ST6GALNAC5: variants seen among roughly 807,000 people sequenced by gnomAD.
The protein encoded by ST6GALNAC5 is alpha-N-acetylgalactosaminide alpha-2,6-sialyltransferase 5.
ST6GALNAC5 carries 27 observed loss-of-function variants against 33.6 expected under a neutral mutation model. That is an observed-to-expected ratio of 0.80 (90% CI 0.59 to 1.11). The LOEUF (loss-of-function observed/expected upper bound fraction) is 1.11, where lower values mean the gene tolerates loss of function less well. ST6GALNAC5 is among the 50% of genes least tolerant of loss of function. The pLI, the probability that ST6GALNAC5 is intolerant of heterozygous loss-of-function variation, is 0.00. For missense variants in ST6GALNAC5, 428 were observed against 454.0 expected, an observed-to-expected ratio of 0.94 and a Z score of 0.52; for synonymous variants, 194 against 171.2, an observed-to-expected ratio of 1.13 and a Z score of -1.04.
At chr1:76,999,193 T>C (rs899817396) in intron 2 of ST6GALNAC5, among the ~76,000 whole-genome samples, 1 of 152,192 alleles carries the variant, frequency 6.6e-6, no homozygotes, top group Non-Finnish European at 1.5e-5. Context: ...ATTTCCCTTG[T>C]AGCGTGTTGT....
intron 3 of ST6GALNAC5, among the ~76,000 whole-genome samples, chr1:77,046,775 C>A (rs1277652237): frequency 6.6e-6 from 1 of 152,186 alleles, no homozygotes; most frequent in Non-Finnish European, 1.5e-5. Flanking sequence ...ATAGAAAACA[C>A]TTTTCTCTTT....
At chr1:76,929,309 G>A (rs893424002) in intron 2 of ST6GALNAC5, among the ~76,000 whole-genome samples, 3 of 152,154 alleles carry the variant, frequency 2.0e-5, no homozygotes. Context: ...GAGAGGCCGA[G>A]GCAGGAGGAT....
intron 2 of ST6GALNAC5, among the ~76,000 whole-genome samples, chr1:76,938,869 A>T (rs1487984318): frequency 6.6e-6 from 1 of 152,138 alleles, no homozygotes; most frequent in East Asian, 1.9e-4. Context: ...ATTGTGCATA[A>T]CATTCCAAAT....
At chr1:76,963,669 T>G (rs1250929438) in intron 2 of ST6GALNAC5, among the ~76,000 whole-genome samples, 2 of 152,224 alleles carry the variant, frequency 1.3e-5, no homozygotes, top group East Asian at 3.8e-4. Flanking sequence ...TGTCCTCTTT[T>G]GTCCATTTCC....
rs545654912 is a variant in ST6GALNAC5 at position 76,915,833 on chromosome 1, T to TA, written c.261+47094dup. Among the ~76,000 whole-genome samples, 477 of 144,666 alleles carry TA rather than the reference T, an allele frequency of 3.3e-3. 3 individuals carry two copies. Among genetic ancestry groups the TA allele is most frequent in the African/African-American group, 0.011 (439 of 39,186 alleles). The allele number at this position is 144,666 out of a possible 152,430, so 94.9% of individuals were successfully genotyped here. A position where few individuals can be genotyped will look rare whatever the true frequency, so the allele number is the denominator to read the frequency against. On this transcript the variant is annotated intron_variant, in intron 2 of 4. Transcript: ENST00000477717. The stretch of plus-strand genomic sequence containing the variant: ...CATTGTGCACATGTACCCAAAAACT[T>TA]AAAGTACAATAATAATAAATTAAAA...
Position 77,063,212 on chromosome 1 carries a change from G to T in ST6GALNAC5, c.*6G>T. On this transcript the variant is annotated 3_prime_UTR_variant, in exon 5 of 5. Transcript: ENST00000477717. ...AGAATAAACCTGTGTTCTAAGGAAT[G>T]AGCATGCCAGACTGTAATCCCAGGT... 1 of 1,611,344 alleles carries T rather than the reference G, an allele frequency of 6.2e-7. No individual in the cohort carries two copies. Among genetic ancestry groups the T allele is most frequent in the Non-Finnish European group, 8.5e-7 (1 of 1,177,850 alleles).
At position 76,882,438 on chromosome 1, in the gene ST6GALNAC5, A is replaced by G. The variant is rs149124235; in HGVS notation, c.261+13696A>G. On this transcript the variant is annotated intron_variant, in intron 2 of 4. Transcript: ENST00000477717. ...CTGCAAATATCATTGACTCCCCCCA[A>G]ATTCTGAGATGTAATACTTACTCTA... 1.3e-4 allele frequency among the ~76,000 whole-genome samples: 20 copies of G among 152,214 alleles called. No individual in the cohort carries two copies. In the East Asian group the frequency reaches 3.5e-3, roughly 26 times the overall value.
chr1:76,882,796 A>C (rs1211313269), intron 2 of ST6GALNAC5, among the ~76,000 whole-genome samples: 1 of 152,074 alleles, frequency 6.6e-6, no homozygotes, highest in Non-Finnish European at 1.5e-5. Flanking sequence ...ATGGCTTCCC[A>C]TTGCCTACAG....
intron 4 of ST6GALNAC5, among the ~76,000 whole-genome samples, chr1:77,058,534 C>T (rs1557777763): frequency 6.6e-6 from 1 of 152,332 alleles, no homozygotes; most frequent in East Asian, 1.9e-4. Context: ...CACATGCCAG[C>T]TCCCCTTCAC....
chr1:77,043,657 T>C (rs956560227), intron 2 of ST6GALNAC5, among the ~76,000 whole-genome samples: 1 of 152,208 alleles, frequency 6.6e-6, no homozygotes, highest in African/African-American at 2.4e-5. Flanking sequence ...TACAAACATA[T>C]TTGTACAGCA....
Position 76,868,865 on chromosome 1 carries a change from T to A in ST6GALNAC5, c.261+123T>A, listed in dbSNP as rs993480136. 7.9e-6 allele frequency: 11 copies of A among 1,389,704 alleles called. No individual in the cohort carries two copies. In the African/African-American group the frequency reaches 1.4e-4, roughly 17 times the overall value. 86.1% of individuals were successfully genotyped at this position (1,389,704 alleles called of 1,614,324 possible). On this transcript the variant is annotated intron_variant, in intron 2 of 4. Transcript: ENST00000477717. This position sits in a 1 kb window ranked among gnomAD's most constrained non-coding sequence, Gnocchi z 4.3. ...GTGCCGTTCGAAGGCTGGAGGGGAGTGGACCCGCTGGGGTAGGGTGGGCTA... is the reference window on the plus strand; with the variant it reads ...GTGCCGTTCGAAGGCTGGAGGGGAGAGGACCCGCTGGGGTAGGGTGGGCTA...
chr1:77,027,312 CA>C (rs1233610331), intron 2 of ST6GALNAC5, among the ~76,000 whole-genome samples: 3 of 152,174 alleles, frequency 2.0e-5, no homozygotes, highest in Non-Finnish European at 2.9e-5. Flanking sequence ...CATTAGGGGG[CA>C]GGGGTGAAGT....
intron 2 of ST6GALNAC5, among the ~76,000 whole-genome samples, chr1:76,999,853 C>A (rs61785606): frequency 3.3e-5 from 4 of 120,214 alleles, no homozygotes; most frequent in Non-Finnish European, 5.8e-5. Context: ...GTATTCCATG[C>A]TATATATGTG....
intron 2 of ST6GALNAC5, among the ~76,000 whole-genome samples, chr1:76,911,312 A>G (rs1454009139): frequency 6.6e-6 from 1 of 152,110 alleles, no homozygotes; most frequent in Non-Finnish European, 1.5e-5. Flanking sequence ...CATGGTGGAT[A>G]AGCTTTTTGA....
intron 2 of ST6GALNAC5, among the ~76,000 whole-genome samples, chr1:77,027,201 A>G (rs1207643478): frequency 6.6e-6 from 1 of 152,212 alleles, no homozygotes; most frequent in Non-Finnish European, 1.5e-5. Flanking sequence ...CCTTCTAATC[A>G]CTTACAACAA....
intron 2 of ST6GALNAC5, among the ~76,000 whole-genome samples, chr1:76,975,032 C>T (rs551293041): frequency 6.6e-6 from 1 of 152,054 alleles, no homozygotes; most frequent in South Asian, 2.1e-4. Flanking sequence ...GGTGATCTGC[C>T]TGCCTCAGCC....
Position 76,868,662 on chromosome 1 carries a change from G to A in ST6GALNAC5, c.181G>A (p.Glu61Lys), listed in dbSNP as rs752811015. The change falls in exon 2 of 5, where the codon GAG (glutamate) becomes AAG (lysine). Residue 61 changes from glutamate to lysine, a missense_variant. Glu to Lys is a moderately conservative substitution (Grantham distance 56). Coordinates refer to ENST00000477717, the MANE Select transcript of ST6GALNAC5 (RefSeq NM_030965.3). This position sits in a 1 kb window ranked among gnomAD's most constrained non-coding sequence, Gnocchi z 4.3. ...SATGSSQPAA[E>K]SSTQQRPGVP... ...CACCGGCAGCTCGCAGCCGGCGGCG[G>A]AGAGCAGCACCCAGCAGCGCCCCGG... is the stretch of plus-strand genomic sequence containing the variant. 20 of 1,588,870 alleles carry A rather than the reference G, an allele frequency of 1.3e-5. 1 individual carries two copies. The highest frequency in any genetic ancestry group is 3.3e-4 in the Middle Eastern group (2 of 6,000).
chr1:77,023,672 T>G (rs1369661417), intron 2 of ST6GALNAC5, among the ~76,000 whole-genome samples: 7 of 152,022 alleles, frequency 4.6e-5, no homozygotes, highest in Non-Finnish European at 1.0e-4. Context: ...AGATTGAGAG[T>G]GGGCAGTTTT....
At chr1:76,867,724 AG>A (rs1168566929) in intron 1 of ST6GALNAC5, 34 bp downstream of exon 1, 1 of 1,613,966 alleles carries the variant, frequency 6.2e-7, no homozygotes. Context: ...CCGGGCAAAG[AG>A]GGGGATCCCC....
Sources: allele counts gnomAD v4.1 joint callset (sites outside exome capture counted in the v4.1 genomes callset), GRCh38; gene constraint gnomAD v4.1.1; non-coding constraint Gnocchi (gnomAD v3.1); transcripts MANE v1.5; gene names NCBI Gene and HGNC (gene_info 2026-07-23, HGNC 2026-07-21).